SPMAP2L: variants seen among roughly 807,000 people sequenced by gnomAD.
The protein encoded by SPMAP2L is sperm microtubule associated protein 2 like, also known as sperm microtubule associated protein 2-like.
the SPMAP2L span, among the ~76,000 whole-genome samples, chr4:56,541,570 C>A: frequency 6.6e-6 from 1 of 150,434 alleles, no homozygotes; most frequent in East Asian, 2.0e-4. Flanking sequence ...TATAATAAAC[C>A]CCTATGTACC....
chr4:56,543,547 C>T, the SPMAP2L span, among the ~76,000 whole-genome samples: 2 of 151,990 alleles, frequency 1.3e-5, no homozygotes, highest in Non-Finnish European at 2.9e-5. Flanking sequence ...CAAAGATTTG[C>T]CAGGTGTCGT....
the SPMAP2L span, among the ~76,000 whole-genome samples, chr4:56,549,124 G>A: frequency 6.6e-6 from 1 of 151,802 alleles, no homozygotes; most frequent in African/African-American, 2.4e-5. Flanking sequence ...GAGTAGCTGG[G>A]ATTACGGGCA....
the SPMAP2L span, among the ~76,000 whole-genome samples, chr4:56,568,004 T>C: frequency 6.6e-6 from 1 of 152,170 alleles, no homozygotes; most frequent in African/African-American, 2.4e-5. Context: ...CACAGCACAT[T>C]GAATCTGTTT....
chr4:56,555,822 G>A, the SPMAP2L span, among the ~76,000 whole-genome samples: 2 of 151,964 alleles, frequency 1.3e-5, no homozygotes, highest in Admixed American at 1.3e-4. Context: ...TTGCAACTTT[G>A]CTATGCTCTA....
the SPMAP2L span, among the ~76,000 whole-genome samples, chr4:56,609,930 G>A: frequency 1.3e-5 from 2 of 152,266 alleles, no homozygotes; most frequent in East Asian, 3.9e-4. Context: ...AGAGCAACCT[G>A]AATAGGCTGA....
At chr4:56,548,750 G>T in the SPMAP2L span, 1 of 1,395,662 alleles carries the variant, frequency 7.2e-7, no homozygotes, top group South Asian at 1.5e-5. Context: ...TTTGATTCCT[G>T]TTGAATCTAA....
the SPMAP2L span, among the ~76,000 whole-genome samples, chr4:56,561,515 G>A: frequency 2.0e-5 from 3 of 152,080 alleles, no homozygotes; most frequent in African/African-American, 4.8e-5. Context: ...AAGCAGGCAT[G>A]TGCAAAGAGG....
At chr4:56,533,511 C>T in the SPMAP2L span, among the ~76,000 whole-genome samples, 1 of 152,084 alleles carries the variant, frequency 6.6e-6, no homozygotes, top group Non-Finnish European at 1.5e-5. Context: ...AATGTCCTTG[C>T]TCTTATTAAA....
the SPMAP2L span, among the ~76,000 whole-genome samples, chr4:56,622,743 C>T: frequency 6.6e-6 from 1 of 152,150 alleles, no homozygotes; most frequent in African/African-American, 2.4e-5. Flanking sequence ...GCCCAAGAGC[C>T]ACCTACATCC....
the SPMAP2L span, among the ~76,000 whole-genome samples, chr4:56,545,306 A>C: frequency 1.9e-4 from 29 of 152,276 alleles, no homozygotes; most frequent in East Asian, 4.6e-3. Flanking sequence ...TCATCTAAAA[A>C]CAGACATATC....
chr4:56,566,846 G>A, the SPMAP2L span, among the ~76,000 whole-genome samples: 4,245 of 151,380 alleles, frequency 0.028, 197 homozygotes, highest in African/African-American at 0.098. Context: ...ACAGGCATGC[G>A]CAACCACGTC....
chr4:56,557,290 A>G, the SPMAP2L span, among the ~76,000 whole-genome samples: 4 of 127,758 alleles, frequency 3.1e-5, no homozygotes, highest in Non-Finnish European at 5.4e-5. Context: ...AAGAAAAGAA[A>G]CAAACAAACA....
At chr4:56,579,384 A>C in the SPMAP2L span, among the ~76,000 whole-genome samples, 48 of 152,314 alleles carry the variant, frequency 3.2e-4, no homozygotes, top group African/African-American at 1.1e-3. Flanking sequence ...TCACTTTGAT[A>C]TGAATAAAAC....
At chr4:56,587,962 G>A in the SPMAP2L span, among the ~76,000 whole-genome samples, 7 of 152,156 alleles carry the variant, frequency 4.6e-5, no homozygotes, top group Admixed American at 2.0e-4. Context: ...CCTGATCACC[G>A]CATCCACACC....
the SPMAP2L span, among the ~76,000 whole-genome samples, chr4:56,568,654 C>A: frequency 6.6e-6 from 1 of 152,088 alleles, no homozygotes; most frequent in Admixed American, 6.6e-5. Context: ...AGTGAGACCC[C>A]ATCTCTGTAC....
At chr4:56,532,233 C>T in the SPMAP2L span, among the ~76,000 whole-genome samples, 598 of 152,076 alleles carry the variant, frequency 3.9e-3, 12 homozygotes, top group Non-Finnish European at 4.4e-3. Context: ...CAGCTGAAGA[C>T]TTTGCCCCAT....
chr4:56,623,509 T>C, the SPMAP2L span, among the ~76,000 whole-genome samples: 1 of 152,294 alleles, frequency 6.6e-6, no homozygotes, highest in East Asian at 1.9e-4. Flanking sequence ...AATCCACATT[T>C]CAAAGTATTA....
At chr4:56,594,107 T>A in the SPMAP2L span, 1 of 1,607,292 alleles carries the variant, frequency 6.2e-7, no homozygotes, top group Non-Finnish European at 8.5e-7. Flanking sequence ...TCTGGACGAT[T>A]TGTTGCGGAT....
chr4:56,569,243 G>C, the SPMAP2L span, among the ~76,000 whole-genome samples: 1 of 152,144 alleles, frequency 6.6e-6, no homozygotes. Context: ...GTTTTCCAAA[G>C]TGATTGTATC....
Sources: allele counts gnomAD v4.1 joint callset (sites outside exome capture counted in the v4.1 genomes callset), GRCh38; gene constraint gnomAD v4.1.1; transcripts MANE v1.5; gene names NCBI Gene and HGNC (gene_info 2026-07-23, HGNC 2026-07-21).